Variants in DLGAP2 observed in about 807,000 individuals in gnomAD.
DLGAP2 encodes DLG associated protein 2.
DLGAP2 carries 26 observed loss-of-function variants against 100.3 expected under a neutral mutation model. That is an observed-to-expected ratio of 0.26 (90% CI 0.19 to 0.36). The LOEUF is 0.36. DLGAP2 is among the 10% of genes least tolerant of loss of function. The probability of loss-of-function intolerance (pLI) is 1.00; values close to 1 mark genes in which losing one functional copy is unlikely to be tolerated. For missense variants in DLGAP2, 1,858 were observed against 1,453.2 expected, an observed-to-expected ratio of 1.28 and a Z score of -4.53; for synonymous variants, 886 against 630.1, an observed-to-expected ratio of 1.41 and a Z score of -6.08.
intron 2 of DLGAP2, among the ~76,000 whole-genome samples, chr8:1,164,869 C>T (rs776481842): frequency 1.9e-4 from 29 of 152,168 alleles, no homozygotes; most frequent in Non-Finnish European, 4.0e-4. Flanking sequence ...GCTCCAGTCT[C>T]TCTGTGGTCT....
chr8:1,597,973 T>C (rs1249521445), intron 6 of DLGAP2, among the ~76,000 whole-genome samples: 1 of 152,198 alleles, frequency 6.6e-6, no homozygotes, highest in Admixed American at 6.5e-5. Context: ...GCTTCCAGTT[T>C]TTGCCCATTC....
chr8:1,197,756 T>G (rs1185594513), intron 2 of DLGAP2, among the ~76,000 whole-genome samples: 1 of 151,996 alleles, frequency 6.6e-6, no homozygotes, highest in Non-Finnish European at 1.5e-5. Context: ...ACGCCAATGT[T>G]GAGGGTCTGG....
chr8:1,628,280 C>G lies in DLGAP2; in HGVS notation c.1590+1393C>G, dbSNP rs571621724. 4.1e-4 allele frequency among the ~76,000 whole-genome samples: 58 copies of G among 142,176 alleles called. 2 individuals are homozygous for G. The highest frequency in any genetic ancestry group is 3.2e-3 in the Admixed American group (46 of 14,506). The allele number at this position is 142,176 out of a possible 152,430, so 93.3% of individuals were successfully genotyped here. On this transcript the variant is annotated intron_variant, in intron 7 of 14. Coordinates refer to ENST00000637795, the MANE Select transcript of DLGAP2 (RefSeq NM_001346810.2). ...AGAGCCTGAGCTGACCTCACATTCT[C>G]TCTGACTTACTGTGGAGCAGGAATT...
intron 1 of DLGAP2, among the ~76,000 whole-genome samples, chr8:862,168 G>A (rs754517664): frequency 5.3e-5 from 8 of 152,098 alleles, no homozygotes; most frequent in African/African-American, 1.2e-4. Context: ...AGAAGGCTCC[G>A]GGCCTCGTCC....
chr8:1,181,731 A>C (rs1797392525), intron 2 of DLGAP2, among the ~76,000 whole-genome samples: 1 of 152,180 alleles, frequency 6.6e-6, no homozygotes. Flanking sequence ...GTAAATTTGC[A>C]ATACTGAAGC....
chr8:1,492,512 C>T (rs948514260), intron 3 of DLGAP2, among the ~76,000 whole-genome samples: 5 of 152,232 alleles, frequency 3.3e-5, no homozygotes, highest in African/African-American at 7.2e-5. Flanking sequence ...CTGTGCGTTC[C>T]GGAAGCAGCT....
chr8:1,420,998 C>A (rs1198461877), intron 3 of DLGAP2, among the ~76,000 whole-genome samples: 1 of 152,210 alleles, frequency 6.6e-6, no homozygotes, highest in Non-Finnish European at 1.5e-5. Context: ...CTCTCATGGG[C>A]TGTAGCTCCT....
intron 12 of DLGAP2, among the ~76,000 whole-genome samples, chr8:1,689,441 C>A (rs1164432533): frequency 6.6e-6 from 1 of 152,126 alleles, no homozygotes; most frequent in African/African-American, 2.4e-5. Context: ...CTCGCCTCTG[C>A]GTTCAAGGGG....
At chr8:857,920 G>C (rs1298924663) in intron 1 of DLGAP2, among the ~76,000 whole-genome samples, 2 of 151,918 alleles carry the variant, frequency 1.3e-5, no homozygotes, top group Non-Finnish European at 1.5e-5. Context: ...GCCCAGGCTG[G>C]AGTGCAGTGG....
intron 2 of DLGAP2, among the ~76,000 whole-genome samples, chr8:1,164,875 G>A (rs1336844942): frequency 6.6e-6 from 1 of 152,060 alleles, no homozygotes; most frequent in African/African-American, 2.4e-5. Context: ...GTCTCTCTGT[G>A]GTCTCACTCT....
intron 1 of DLGAP2, among the ~76,000 whole-genome samples, chr8:784,936 G>A (rs533023335): frequency 6.1e-4 from 92 of 151,654 alleles, no homozygotes; most frequent in African/African-American, 2.1e-3. Context: ...GGCTGGGCAC[G>A]GTGGCTCACG....
At chr8:1,458,359 T>C (rs1051506366) in intron 3 of DLGAP2, among the ~76,000 whole-genome samples, 1 of 152,158 alleles carries the variant, frequency 6.6e-6, no homozygotes, top group African/African-American at 2.4e-5. Context: ...TAAAACCTTT[T>C]ACTGTGTTTT....
At chr8:1,473,741 G>C (rs1291931757) in intron 3 of DLGAP2, among the ~76,000 whole-genome samples, 1 of 152,118 alleles carries the variant, frequency 6.6e-6, no homozygotes, top group Non-Finnish European at 1.5e-5. Flanking sequence ...ATCATGGGGT[G>C]GGTCCCTCCA....
intron 2 of DLGAP2, among the ~76,000 whole-genome samples, 154 bp downstream of exon 2, chr8:908,120 A>G (rs145846904): frequency 6.6e-6 from 1 of 152,322 alleles, no homozygotes; most frequent in East Asian, 1.9e-4. Flanking sequence ...GTAAGACCTG[A>G]AAGTAGGATA....
At chr8:964,656 G>C (rs956896923) in intron 2 of DLGAP2, among the ~76,000 whole-genome samples, 1 of 152,224 alleles carries the variant, frequency 6.6e-6, no homozygotes, top group African/African-American at 2.4e-5. Context: ...CCTCACCAAG[G>C]CCTGGTCCTT....
At chr8:1,552,246 G>A (rs746775413) in intron 5 of DLGAP2, among the ~76,000 whole-genome samples, 1 of 152,246 alleles carries the variant, frequency 6.6e-6, no homozygotes, top group Non-Finnish European at 1.5e-5. Context: ...GAGGATAGAA[G>A]GACGTCTGCA....
intron 3 of DLGAP2, among the ~76,000 whole-genome samples, chr8:1,362,110 G>A (rs974211818): frequency 0.11 from 8 of 74 alleles, no homozygotes; most frequent in South Asian, 0.5. Context: ...GGGAGTTAGC[G>A]TACTTCAAAC....
intron 3 of DLGAP2, among the ~76,000 whole-genome samples, chr8:1,330,828 T>G (rs1801139794): frequency 2.2e-5 from 3 of 135,920 alleles, no homozygotes; most frequent in Non-Finnish European, 3.1e-5. Context: ...GGGACTGAGT[T>G]CTGGGTGGGA....
rs72507643 is a variant in DLGAP2, at chr8:1,409,248, C to T, written c.107-92118C>T. ...TAGGAAGCCCATCTCCCCTTGGCAGCCCTGGCCCTGAGCACAGAATTGTCT... is the reference window on the plus strand; with the variant it reads ...TAGGAAGCCCATCTCCCCTTGGCAGTCCTGGCCCTGAGCACAGAATTGTCT... On this transcript the variant is annotated intron_variant, in intron 3 of 14. Coordinates refer to ENST00000637795, the MANE Select transcript of DLGAP2 (RefSeq NM_001346810.2). 2.2e-3 allele frequency among the ~76,000 whole-genome samples: 336 copies of T among 151,364 alleles called. 9 individuals are homozygous for T. In the East Asian group the frequency reaches 0.028, roughly 13 times the overall value.
Sources: allele counts gnomAD v4.1 joint callset (sites outside exome capture counted in the v4.1 genomes callset), GRCh38; gene constraint gnomAD v4.1.1; transcripts MANE v1.5; gene names NCBI Gene and HGNC (gene_info 2026-07-23, HGNC 2026-07-21).